Variants in ANKRD36B observed in about 807,000 individuals in gnomAD.
The protein encoded by ANKRD36B is ankyrin repeat domain 36B.
Under a neutral mutation model 135.7 loss-of-function variants are expected in ANKRD36B, and 37 were observed. That is an observed-to-expected ratio of 0.27 (90% CI 0.21 to 0.36). The LOEUF is 0.36. ANKRD36B is among the 10% of genes least tolerant of loss of function. ANKRD36B has a pLI of 1.00. For missense variants in ANKRD36B, 549 were observed against 1,037.1 expected (o/e 0.53, Z 6.46); for synonymous variants, 179 against 348.1 (o/e 0.51, Z 5.41).
chr2:97,528,889 C>A lies in ANKRD36B; in HGVS notation c.2265+3422G>T, dbSNP rs1277247063. On this transcript the variant is annotated intron_variant, in intron 35 of 43. Coordinates refer to ENST00000359901, the MANE Select transcript of ANKRD36B (RefSeq NM_001393939.1). Reference sequence around the variant, plus strand: ...AATCTCTGAATAGACCAATAACAGGCTCTGAAATTGTGGCAATAATCAATA... The same window carrying A: ...AATCTCTGAATAGACCAATAACAGGATCTGAAATTGTGGCAATAATCAATA... Among the ~76,000 whole-genome samples, 10 of 94,984 alleles carry A rather than the reference C, an allele frequency of 1.1e-4. 4 individuals are homozygous for A. Among genetic ancestry groups the A allele is most frequent in the African/African-American group, 2.5e-4 (8 of 31,436 alleles). The allele number at this position is 94,984 out of a possible 152,430, so 62.3% of individuals were successfully genotyped here.
At chr2:97,565,117 T>A (rs1265864116) in intron 6 of ANKRD36B, among the ~76,000 whole-genome samples, 1 of 152,108 alleles carries the variant, frequency 6.6e-6, no homozygotes, top group African/African-American at 2.4e-5. Flanking sequence ...GTTATTTTAT[T>A]CTCTTTGTAG....
Position 97,560,646 on chromosome 2 carries a change from A to G in ANKRD36B, c.865+19T>C. ...CTATCTTGATTGAACATGACATTAG[A>G]TGTGTTTTGCAAAATTACCTGTCCC... On this transcript the variant is annotated intron_variant, in intron 8 of 43. Transcript: ENST00000359901. 6.2e-7 allele frequency: 1 copy of G among 1,600,764 alleles called. No homozygotes were observed. Among genetic ancestry groups the G allele is most frequent in the Non-Finnish European group, 8.5e-7 (1 of 1,177,928 alleles).
chr2:97,589,233 A>C (rs2083239411), intron 1 of ANKRD36B, among the ~76,000 whole-genome samples: 1 of 91,570 alleles, frequency 1.1e-5, no homozygotes, highest in Non-Finnish European at 2.2e-5. Flanking sequence ...CACACCATCC[A>C]CGCCCCTACC....
intron 20 of ANKRD36B, 54 bp from the exon 21 acceptor site, chr2:97,547,785 C>T (rs1416369425): frequency 9.8e-6 from 15 of 1,535,558 alleles, no homozygotes; most frequent in East Asian, 4.9e-5. Flanking sequence ...ACAAAATTAT[C>T]CACACATTCA....
intron 6 of ANKRD36B, among the ~76,000 whole-genome samples, chr2:97,562,643 T>G (rs991897650): frequency 7.9e-5 from 12 of 152,064 alleles, no homozygotes; most frequent in African/African-American, 2.9e-4. Flanking sequence ...TACATTTTTT[T>G]CGTTCATAAA....
chr2:97,560,567 C>A, intron 8 of ANKRD36B, 98 bp downstream of exon 8: 1 of 1,523,546 alleles, frequency 6.6e-7, no homozygotes. Context: ...TGAATCAGAA[C>A]GTGCAGCTTA....
At chr2:97,552,647 A>C (rs10169456) in intron 16 of ANKRD36B, among the ~76,000 whole-genome samples, 84,446 of 151,654 alleles carry the variant, frequency 0.56, 25,149 homozygotes, top group Non-Finnish European at 0.67. Flanking sequence ...TCAGCAGAAA[A>C]CCCTAAATTA....
At chr2:97,574,114 G>A (rs1239050122) in intron 6 of ANKRD36B, among the ~76,000 whole-genome samples, 1 of 152,086 alleles carries the variant, frequency 6.6e-6, no homozygotes, top group Non-Finnish European at 1.5e-5. Context: ...CTACGGAATG[G>A]GAGAAAATTT....
chr2:97,529,831 G>C (rs1332835295), intron 35 of ANKRD36B, among the ~76,000 whole-genome samples: 1 of 95,050 alleles, frequency 1.1e-5, no homozygotes, highest in East Asian at 2.3e-4. Context: ...AAAATACCTA[G>C]GAATCCAACT....
chr2:97,561,220 G>C (rs1035559072), intron 6 of ANKRD36B, among the ~76,000 whole-genome samples: 13 of 151,862 alleles, frequency 8.6e-5, no homozygotes, highest in Non-Finnish European at 1.8e-4. Context: ...GTCAAAGCAG[G>C]TGATACATGC....
chr2:97,564,232 T>TA (rs1170744861), intron 6 of ANKRD36B, among the ~76,000 whole-genome samples: 3 of 152,108 alleles, frequency 2.0e-5, no homozygotes, highest in African/African-American at 7.2e-5. Context: ...TAGAGAACCC[T>TA]AAGACCATAA....
At position 97,538,954 on chromosome 2, in the gene ANKRD36B, G is replaced by T. The variant is rs1423543012; in HGVS notation, c.1988-591C>A. Among the ~76,000 whole-genome samples the T allele has an allele frequency of 2.1e-5, 2 of 96,474 alleles. 1 individual carries two copies. The highest frequency in any genetic ancestry group is 6.2e-5 in the African/African-American group (2 of 32,222). 63.3% of individuals were successfully genotyped at this position (96,474 alleles called of 152,430 possible). A position where few individuals can be genotyped will look rare whatever the true frequency, so the allele number is the denominator to read the frequency against. On this transcript the variant is annotated intron_variant, in intron 30 of 43. Transcript: ENST00000359901. ...ATTCTTTATTTCTCAAACCCATGTG[G>T]TGTAATAATGTGCCTACATTTGTTG...
chr2:97,578,885 C>A lies in ANKRD36B; in HGVS notation c.695+21G>T, dbSNP rs755240862. On this transcript the variant is annotated intron_variant, in intron 5 of 43. Transcript: ENST00000359901. ...TAAACTTCAATTTAGTGTTCATTAG[C>A]CTTTTTACGTAAAGACTTACACTCT... The A allele has an allele frequency of 1.9e-6, 3 of 1,607,658 alleles. No homozygotes were observed. The African/African-American group carries it at 4.0e-5, about 22-fold the overall frequency.
intron 8 of ANKRD36B, among the ~76,000 whole-genome samples, chr2:97,560,327 T>C (rs1328599410): frequency 6.6e-6 from 1 of 151,910 alleles, no homozygotes; most frequent in South Asian, 2.1e-4. Context: ...GCCTATAATA[T>C]CTATTACTTC....
chr2:97,529,893 G>A (rs1199415016), intron 35 of ANKRD36B, among the ~76,000 whole-genome samples: 1 of 95,436 alleles, frequency 1.0e-5, no homozygotes, highest in African/African-American at 3.2e-5. Context: ...CACTGCTCAA[G>A]GAAATAAAAG....
rs921635573 is a variant in ANKRD36B at position 97,567,139 on chromosome 2, G to A, written c.764-6279C>T. Among the ~76,000 whole-genome samples the A allele has an allele frequency of 1.8e-4, 27 of 151,916 alleles. 1 individual carries two copies. The highest frequency in any genetic ancestry group is 1.3e-4 in the Admixed American group (2 of 15,230). The stretch of plus-strand genomic sequence containing the variant: ...TTTATAAAGAATATTAAAGGATACA[G>A]ATAAAGAGATGCATAGTGCAAGATA... On this transcript the variant is annotated intron_variant, in intron 6 of 43. Transcript: ENST00000359901.
At chr2:97,585,822 G>C (rs58529747) in intron 1 of ANKRD36B, among the ~76,000 whole-genome samples, 1,577 of 152,258 alleles carry the variant, frequency 0.01, 29 homozygotes, top group African/African-American at 0.036. Context: ...TTTTAATTAA[G>C]TAAAATGATA....
chr2:97,564,867 G>T (rs1289644690), intron 6 of ANKRD36B, among the ~76,000 whole-genome samples: 1 of 151,958 alleles, frequency 6.6e-6, no homozygotes, highest in Non-Finnish European at 1.5e-5. Flanking sequence ...TCTTTTTTTG[G>T]TTCCATATGA....
chr2:97,566,917 G>A (rs1457324981), intron 6 of ANKRD36B, among the ~76,000 whole-genome samples: 1 of 152,022 alleles, frequency 6.6e-6, no homozygotes, highest in Non-Finnish European at 1.5e-5. Flanking sequence ...CTATCTACTT[G>A]GGGATTGTGT....
Sources: gnomAD v4.1 joint callset for allele counts (sites outside exome capture counted in the v4.1 genomes callset) on GRCh38, gnomAD v4.1.1 for gene constraint, MANE v1.5 for transcripts, NCBI Gene and HGNC (gene_info 2026-07-23, HGNC 2026-07-21) for gene names.